The following PSAT1 variants were observed in gnomAD, a reference collection of about 807,000 sequenced individuals.
PSAT1 encodes phosphoserine aminotransferase.
Under a neutral mutation model 40.3 loss-of-function variants are expected in PSAT1, and 41 were observed. The ratio of observed to expected loss-of-function variants is 1.02; its 90% confidence interval spans 0.79 to 1.32. The LOEUF (loss-of-function observed/expected upper bound fraction) is 1.32, where lower values mean the gene tolerates loss of function less well. PSAT1 is among the 40% of genes most tolerant of loss of function. PSAT1 has a pLI of 0.00. For synonymous variants in PSAT1, 147 were observed against 170.5 expected (o/e 0.86, Z 1.07); for missense variants, 406 against 455.8 (o/e 0.89, Z 0.99).
At chr9:78,306,273 G>A in intron 4 of PSAT1, 41 bp from the exon 5 acceptor site, 2 of 1,607,612 alleles carry the variant, frequency 1.2e-6, no homozygotes, top group East Asian at 2.2e-5. Flanking sequence ...GGAAAGAGGA[G>A]AGTGAAAAGT....
Position 78,304,834 on chromosome 9 carries a change from G to C in PSAT1, c.291G>C (p.Arg97Ser). The C allele has an allele frequency of 2.5e-6, 4 of 1,614,184 alleles. No homozygotes were observed. The highest frequency in any genetic ancestry group is 3.4e-6 in the Non-Finnish European group (4 of 1,180,044). Residue 97 changes from arginine (R) to serine (S), a missense_variant, in exon 4 of 9, where the codon AGG becomes AGC. By Grantham distance (110) the Arg-to-Ser change is moderately radical. Transcript: ENST00000376588. Reference sequence around the variant, plus strand: ...ACCTCATTGGCTTGAAAGCAGGAAGGTGTGCTGACTATGTGGTGACAGGAG... The same window carrying C: ...ACCTCATTGGCTTGAAAGCAGGAAGCTGTGCTGACTATGTGGTGACAGGAG... The part of the protein sequence containing the change: ...PLNLIGLKAG[R>S]CADYVVTGAW...
At chr9:78,301,201 C>T (rs995098678) in intron 2 of PSAT1, among the ~76,000 whole-genome samples, 3 of 152,154 alleles carry the variant, frequency 2.0e-5, no homozygotes, top group African/African-American at 7.2e-5. Flanking sequence ...GTTCTGACAT[C>T]TCAGCTTACC....
intron 1 of PSAT1, chr9:78,298,335 T>C: frequency 1.0e-6 from 1 of 984,354 alleles, no homozygotes; most frequent in Non-Finnish European, 1.2e-6. Context: ...CCAAGTATTT[T>C]ACAATTATCA....
At chr9:78,320,838 A>T (rs1475933756) in intron 7 of PSAT1, among the ~76,000 whole-genome samples, 1 of 152,188 alleles carries the variant, frequency 6.6e-6, no homozygotes, top group African/African-American at 2.4e-5. Flanking sequence ...CTTGGTGGGT[A>T]TAGTGGACGG....
At chr9:78,315,720 C>A (rs1828334193) in intron 6 of PSAT1, among the ~76,000 whole-genome samples, 1 of 152,182 alleles carries the variant, frequency 6.6e-6, no homozygotes, top group South Asian at 2.1e-4. Context: ...CTTTTGCCAA[C>A]ATGAGCTGGC....
chr9:78,310,285 G>A (rs1291086411), intron 6 of PSAT1, among the ~76,000 whole-genome samples: 1 of 152,184 alleles, frequency 6.6e-6, no homozygotes, highest in Non-Finnish European at 1.5e-5. Context: ...GGCCTGGCTG[G>A]GGTGTGAACC....
intron 7 of PSAT1, among the ~76,000 whole-genome samples, chr9:78,318,747 T>C (rs1828385489): frequency 6.6e-6 from 1 of 152,260 alleles, no homozygotes; most frequent in South Asian, 2.1e-4. Flanking sequence ...CTTCACATAA[T>C]GACATCTGCA....
intron 6 of PSAT1, among the ~76,000 whole-genome samples, chr9:78,309,838 A>G (rs1055207161): frequency 2.0e-5 from 3 of 152,214 alleles, no homozygotes; most frequent in African/African-American, 4.8e-5. Flanking sequence ...AAGATTTACA[A>G]TTGCCTAAGA....
intron 2 of PSAT1, among the ~76,000 whole-genome samples, chr9:78,301,113 T>C (rs1828101469): frequency 6.6e-6 from 1 of 152,116 alleles, no homozygotes; most frequent in Non-Finnish European, 1.5e-5. Context: ...CCTTTATAGA[T>C]ACATTTTTAA....
chr9:78,326,948 T>G (rs1445367678), intron 7 of PSAT1, among the ~76,000 whole-genome samples: 1 of 101,810 alleles, frequency 9.8e-6, no homozygotes, highest in Non-Finnish European at 1.8e-5. Flanking sequence ...TATATATATA[T>G]ATATATATTT....
chr9:78,308,330 G>A (rs1828214789), intron 5 of PSAT1, 84 bp from the exon 6 acceptor site: 11 of 1,479,002 alleles, frequency 7.4e-6, no homozygotes, highest in South Asian at 3.4e-5. Context: ...AAAAAATTGT[G>A]CTTCGGGAAG....
At chr9:78,303,815 G>C (rs1436359835) in intron 3 of PSAT1, among the ~76,000 whole-genome samples, 1 of 152,106 alleles carries the variant, frequency 6.6e-6, no homozygotes, top group Non-Finnish European at 1.5e-5. Context: ...CTGGAGCTCT[G>C]TTCCCTGGCC....
intron 3 of PSAT1, among the ~76,000 whole-genome samples, chr9:78,302,773 G>GC (rs1273975717): frequency 6.7e-6 from 1 of 150,298 alleles, no homozygotes; most frequent in African/African-American, 2.4e-5. Flanking sequence ...CAAGTGGTGG[G>GC]CACCACTTAG....
At chr9:78,304,671 C>T (rs577555421) in intron 3 of PSAT1, 64 bp from the exon 4 acceptor site, 4 of 1,468,040 alleles carry the variant, frequency 2.7e-6, no homozygotes, top group African/African-American at 2.8e-5. Flanking sequence ...GGTAGAGCAT[C>T]ACTTGTTCTC....
chr9:78,327,662 ATTTCTCTGCAGCCT>A (rs1444703240), intron 7 of PSAT1, among the ~76,000 whole-genome samples: 5 of 152,044 alleles, frequency 3.3e-5, no homozygotes, highest in Non-Finnish European at 7.3e-5. Flanking sequence ...CCAACTTATT[ATTTCTCTGCAGCCT>A]TGCAGAGAAA....
In PSAT1 at chr9:78,308,570, C is replaced by G. The variant is rs1828220018; in HGVS notation, c.727C>G (p.Pro243Ala). The change falls in exon 6 of 9, where the codon CCT (proline) becomes GCT (alanine). Residue 243 changes from proline (P) to alanine (A), a missense_variant. Physicochemically the swap from Pro to Ala is conservative, Grantham distance 27 (BLOSUM62 -1). Transcript: ENST00000376588. Reference sequence around the variant, plus strand: ...TGGAAACAGCTCCTTGTACAACACGCCTCCATGTTTCAGGTAACTCTGGGA... The same window carrying G: ...TGGAAACAGCTCCTTGTACAACACGGCTCCATGTTTCAGGTAACTCTGGGA... ...QAGNSSLYNTPPCFSIYVMGL... is the reference protein window; with the variant it reads ...QAGNSSLYNTAPCFSIYVMGL... 1.2e-6 allele frequency: 2 copies of G among 1,613,944 alleles called. No homozygotes were observed. Among genetic ancestry groups the G allele is most frequent in the African/African-American group, 2.7e-5 (2 of 74,892 alleles).
At chr9:78,316,129 G>C (rs1451855891) in intron 6 of PSAT1, among the ~76,000 whole-genome samples, 1 of 152,226 alleles carries the variant, frequency 6.6e-6, no homozygotes, top group Non-Finnish European at 1.5e-5. Flanking sequence ...GGAAAACCAT[G>C]CACCGCTCCT....
At position 78,303,684 on chromosome 9, in the gene PSAT1, T is replaced by C. The variant is rs148740225; in HGVS notation, c.192-1051T>C. 3.3e-5 allele frequency among the ~76,000 whole-genome samples: 5 copies of C among 152,318 alleles called. No individual in the cohort carries two copies. The East Asian group carries it at 9.6e-4, about 29-fold the overall frequency. On this transcript the variant is annotated intron_variant, in intron 3 of 8. Coordinates refer to ENST00000376588, the MANE Select transcript of PSAT1 (RefSeq NM_058179.4). ...AAGACCTGCTGGTTGCTTGCTATCCTACTAAGCACTGAATATAGGCCATAC... is the reference window on the plus strand; with the variant it reads ...AAGACCTGCTGGTTGCTTGCTATCCCACTAAGCACTGAATATAGGCCATAC...
intron 5 of PSAT1, among the ~76,000 whole-genome samples, chr9:78,307,868 C>G (rs549906670): frequency 6.6e-6 from 1 of 152,012 alleles, no homozygotes; most frequent in Admixed American, 6.6e-5. Context: ...GGTGAAACCC[C>G]GTCTTTACTA....
Sources: allele counts gnomAD v4.1 joint callset (sites outside exome capture counted in the v4.1 genomes callset), GRCh38; gene constraint gnomAD v4.1.1; transcripts MANE v1.5; gene names NCBI Gene and HGNC (gene_info 2026-07-23, HGNC 2026-07-21).